PTPRT: variants seen among roughly 807,000 people sequenced by gnomAD.
PTPRT encodes the protein protein tyrosine phosphatase receptor type T.
In PTPRT, 56 loss-of-function variants were observed where a neutral mutation model predicts 176.8. The ratio of observed to expected loss-of-function variants is 0.32; its 90% CI spans 0.26 to 0.40. PTPRT has a LOEUF of 0.40. PTPRT is among the 10% of genes least tolerant of loss of function. PTPRT has a pLI of 1.00. For synonymous variants in PTPRT, 783 were observed against 739.0 expected (o/e 1.06, Z -0.96); for missense variants, 1,540 against 1,908.2 (o/e 0.81, Z 3.60).
intron 12 of PTPRT, among the ~76,000 whole-genome samples, chr20:42,296,737 C>T (rs1369585297): frequency 6.6e-6 from 1 of 152,070 alleles, no homozygotes; most frequent in African/African-American, 2.4e-5. Flanking sequence ...ATAAAAGTCA[C>T]ATCTAAAACA....
At chr20:42,734,334 T>G (rs903682446) in intron 6 of PTPRT, among the ~76,000 whole-genome samples, 1 of 152,152 alleles carries the variant, frequency 6.6e-6, no homozygotes, top group African/African-American at 2.4e-5. Context: ...AAAGGACCAC[T>G]CTTAGCCCTT....
At chr20:42,086,739 A>ATATATAT (rs1555858277) in intron 27 of PTPRT, among the ~76,000 whole-genome samples, 3 of 65,376 alleles carry the variant, frequency 4.6e-5, no homozygotes, top group African/African-American at 2.2e-4. Flanking sequence ...AAAAAAAAAA[A>ATATATAT]AAAAAAAAAA....
intron 11 of PTPRT, among the ~76,000 whole-genome samples, chr20:42,347,986 G>A (rs910882885): frequency 1.3e-5 from 2 of 152,210 alleles, no homozygotes; most frequent in Non-Finnish European, 2.9e-5. Context: ...GGACAGAGGT[G>A]TGGCTATCTT....
intron 6 of PTPRT, among the ~76,000 whole-genome samples, chr20:42,703,161 C>T (rs1256450585): frequency 1.3e-5 from 2 of 152,078 alleles, no homozygotes; most frequent in East Asian, 3.9e-4. Context: ...CTGCTGCAGA[C>T]TTCATCTGAC....
chr20:42,729,199 C>T (rs903223815), intron 6 of PTPRT, among the ~76,000 whole-genome samples: 7 of 152,064 alleles, frequency 4.6e-5, no homozygotes, highest in African/African-American at 1.4e-4. Context: ...AATGAGGCTC[C>T]CACCCTGAAC....
intron 7 of PTPRT, among the ~76,000 whole-genome samples, chr20:42,473,553 C>T (rs1187667895): frequency 2.0e-5 from 3 of 152,088 alleles, no homozygotes; most frequent in African/African-American, 7.2e-5. Context: ...AGAGTTCATC[C>T]CAGCCTCAAA....
intron 6 of PTPRT, among the ~76,000 whole-genome samples, chr20:42,701,115 G>A (rs2075967916): frequency 6.6e-6 from 1 of 152,096 alleles, no homozygotes; most frequent in Admixed American, 6.5e-5. Context: ...GAATCTTTCG[G>A]TGTATTTTAA....
At chr20:42,988,915 G>A (rs542492903) in intron 1 of PTPRT, among the ~76,000 whole-genome samples, 2 of 152,314 alleles carry the variant, frequency 1.3e-5, no homozygotes, top group South Asian at 4.1e-4. Context: ...AGAAGCACCT[G>A]CTACATCTAA....
At chr20:43,182,588 G>A (rs1281089514) in intron 1 of PTPRT, among the ~76,000 whole-genome samples, 7 of 151,974 alleles carry the variant, frequency 4.6e-5, no homozygotes, top group East Asian at 1.9e-4. Context: ...CTGGCATTTC[G>A]TCATGTTGAC....
intron 1 of PTPRT, among the ~76,000 whole-genome samples, chr20:43,175,411 C>T (rs2015102790): frequency 6.6e-6 from 1 of 152,262 alleles, no homozygotes; most frequent in Non-Finnish European, 1.5e-5. Flanking sequence ...GAAAAGATGA[C>T]AGAAGCAAAC....
At chr20:43,078,507 A>G (rs1163852595) in intron 1 of PTPRT, among the ~76,000 whole-genome samples, 1 of 152,206 alleles carries the variant, frequency 6.6e-6, no homozygotes, top group African/African-American at 2.4e-5. Flanking sequence ...ACTTATAGAC[A>G]TTACTAGGCA....
At chr20:42,935,066 G>A (rs1321303553) in intron 1 of PTPRT, among the ~76,000 whole-genome samples, 3 of 113,002 alleles carry the variant, frequency 2.7e-5, no homozygotes, top group African/African-American at 3.4e-5. Flanking sequence ...AACAGAGCAA[G>A]ACTTCATCTC....
chr20:42,714,734 A>T (rs1364148670), intron 6 of PTPRT, among the ~76,000 whole-genome samples: 4 of 152,208 alleles, frequency 2.6e-5, no homozygotes, highest in Non-Finnish European at 5.9e-5. Context: ...TCTAGACCCG[A>T]CACAGAGAGG....
chr20:43,064,803 A>T (rs1421633935), intron 1 of PTPRT, among the ~76,000 whole-genome samples: 1 of 152,188 alleles, frequency 6.6e-6, no homozygotes, highest in Non-Finnish European at 1.5e-5. Flanking sequence ...AGCTTTTTCC[A>T]CTGTCTCCCA....
At chr20:42,064,124 T>A in the PTPRT span, among the ~76,000 whole-genome samples, 2 of 151,868 alleles carry the variant, frequency 1.3e-5, no homozygotes, top group African/African-American at 4.8e-5. Context: ...CAATATCTGG[T>A]GTGACAAGGA....
At chr20:42,524,444 A>AT (rs1438491807) in intron 7 of PTPRT, among the ~76,000 whole-genome samples, 1 of 151,658 alleles carries the variant, frequency 6.6e-6, no homozygotes, top group African/African-American at 2.4e-5. Context: ...TTCTCTCTTC[A>AT]TTTTGCGGAT....
chr20:42,948,029 T>G (rs1226975523), intron 1 of PTPRT, among the ~76,000 whole-genome samples: 1 of 152,170 alleles, frequency 6.6e-6, no homozygotes, highest in African/African-American at 2.4e-5. Flanking sequence ...CCCACTTGAC[T>G]TCTGCAAGGT....
intron 2 of PTPRT, among the ~76,000 whole-genome samples, chr20:42,798,495 A>C (rs145888807): frequency 3.9e-5 from 6 of 152,198 alleles, no homozygotes; most frequent in Admixed American, 3.9e-4. Flanking sequence ...ACCAATAAAC[A>C]TATCATTCAA....
At chr20:42,244,393 T>C (rs1330479771) in intron 14 of PTPRT, among the ~76,000 whole-genome samples, 1 of 152,084 alleles carries the variant, frequency 6.6e-6, no homozygotes, top group Non-Finnish European at 1.5e-5. Flanking sequence ...ACAAGGAAAG[T>C]TTGGCAAAAG....
Sources: gnomAD v4.1 joint callset for allele counts (sites outside exome capture counted in the v4.1 genomes callset) on GRCh38, gnomAD v4.1.1 for gene constraint, MANE v1.5 for transcripts, NCBI Gene and HGNC (gene_info 2026-07-23, HGNC 2026-07-21) for gene names.